The following PREX2 variants were observed in gnomAD, a reference collection of about 807,000 sequenced individuals.
PREX2 encodes phosphatidylinositol-3,4,5-trisphosphate dependent Rac exchange factor 2, also known as phosphatidylinositol 3,4,5-trisphosphate-dependent Rac exchanger 2 protein.
PREX2 carries 107 observed loss-of-function variants against 203.2 expected under a neutral mutation model. The ratio of observed to expected loss-of-function variants is 0.53; its 90% CI spans 0.45 to 0.62. PREX2 has a LOEUF of 0.62. Among genes scored for constraint, PREX2 ranks in the 20% least tolerant of loss-of-function variants. PREX2 has a pLI of 0.00. For synonymous variants in PREX2, 672 were observed against 663.6 expected (o/e 1.01, Z -0.19); for missense variants, 1,777 against 1,955.9 (o/e 0.91, Z 1.72).
At chr8:68,173,496 T>C (rs1237165694) in intron 35 of PREX2, among the ~76,000 whole-genome samples, 2 of 152,208 alleles carry the variant, frequency 1.3e-5, no homozygotes, top group African/African-American at 2.4e-5. Flanking sequence ...CGTACATTTA[T>C]GCATGTAGTA....
chr8:68,108,801 C>G (rs1431671120), intron 24 of PREX2, among the ~76,000 whole-genome samples: 1 of 152,034 alleles, frequency 6.6e-6, no homozygotes, highest in African/African-American at 2.4e-5. Flanking sequence ...TTTATGGAAT[C>G]TCAAATTTAA....
rs75276095 is a variant in PREX2, at chr8:67,975,272, G to GTT, written c.141+22763_141+22764dup. Among the ~76,000 whole-genome samples the GTT allele has an allele frequency of 2.0e-3, 190 of 96,798 alleles. 24 individuals carry two copies. Among genetic ancestry groups the GTT allele is most frequent in the African/African-American group, 7.0e-3 (156 of 22,182 alleles). 63.5% of individuals were successfully genotyped at this position (96,798 alleles called of 152,430 possible). On this transcript the variant is annotated intron_variant, in intron 1 of 39. Transcript: ENST00000288368. ...GGCTGATGTTACCTGCACACGGCCT[G>GTT]TTTTTTTTTTTTTTTTTTTTTTTTT...
rs1450026093 is a variant in PREX2 at position 68,109,475 on chromosome 8, G to A, written c.2998G>A (p.Gly1000Ser). Residue 1000 changes from glycine (G) to serine (S), a missense_variant, in exon 25 of 40, where the codon GGT (glycine) becomes AGT (serine). By Grantham distance (56) the Gly-to-Ser change is moderately conservative. Coordinates refer to ENST00000288368, the MANE Select transcript of PREX2 (RefSeq NM_024870.4). ...CATCACAACCATGGCGGCCCCTTCAGGTCTGTCTCTGGGACAGCAGGATGG... is the reference window on the plus strand; with the variant it reads ...CATCACAACCATGGCGGCCCCTTCAAGTCTGTCTCTGGGACAGCAGGATGG... ...HTITTMAAPSGLSLGQQDGHG... is the reference protein window; with the variant it reads ...HTITTMAAPSSLSLGQQDGHG... 1.9e-6 allele frequency: 3 copies of A among 1,614,046 alleles called. No homozygotes were observed. Among genetic ancestry groups the A allele is most frequent in the Non-Finnish European group, 2.5e-6 (3 of 1,179,932 alleles).
At chr8:68,138,057 T>G (rs2129613488) in intron 32 of PREX2, among the ~76,000 whole-genome samples, 1 of 152,348 alleles carries the variant, frequency 6.6e-6, no homozygotes, top group African/African-American at 2.4e-5. Context: ...TCAGATGTTA[T>G]AAGATTTTAG....
chr8:68,114,293 G>A, intron 25 of PREX2: 1 of 509,392 alleles, frequency 2.0e-6, no homozygotes, highest in Non-Finnish European at 3.9e-6. Flanking sequence ...TATGGAATAT[G>A]CGTAAGAGGT....
chr8:68,124,770 G>A (rs1053182028), intron 30 of PREX2, among the ~76,000 whole-genome samples: 3 of 152,100 alleles, frequency 2.0e-5, no homozygotes, highest in Non-Finnish European at 4.4e-5. Flanking sequence ...ACAATAAGCA[G>A]CTATAGGAAT....
chr8:67,973,278 C>T (rs533347842), intron 1 of PREX2, among the ~76,000 whole-genome samples: 1 of 152,194 alleles, frequency 6.6e-6, no homozygotes, highest in East Asian at 1.9e-4. Context: ...ATAAACTTTG[C>T]CTCCTTGATG....
rs564055787 is a variant in PREX2 at position 68,166,763 on chromosome 8, T to C, written c.4346+9327T>C. On this transcript the variant is annotated intron_variant, in intron 35 of 39. Coordinates refer to ENST00000288368, the MANE Select transcript of PREX2 (RefSeq NM_024870.4). ...TAGAAGGATCACTTCAGCCCAGGAG[T>C]TCAAGACCAGCTTGGGCAAATAGAG... 5.7e-4 allele frequency among the ~76,000 whole-genome samples: 87 copies of C among 151,622 alleles called. 1 individual carries two copies. The highest frequency in any genetic ancestry group is 2.0e-3 in the African/African-American group (83 of 41,316).
intron 19 of PREX2, 52 bp downstream of exon 19, chr8:68,087,861 C>A: frequency 8.8e-7 from 1 of 1,132,360 alleles, no homozygotes; most frequent in Non-Finnish European, 1.4e-6. Flanking sequence ...TTGGGATGTG[C>A]CCGATGGAAC....
At position 68,012,224 on chromosome 8, in the gene PREX2, A is replaced by C. The variant is rs1425153095; in HGVS notation, c.142-5622A>C. ...TTTGAGGTCAAATAGAATACACTAT[A>C]ACAATGTGGTAATTATCGTCACATC... On this transcript the variant is annotated intron_variant, in intron 1 of 39. Coordinates refer to ENST00000288368, the MANE Select transcript of PREX2 (RefSeq NM_024870.4). Among the ~76,000 whole-genome samples the C allele has an allele frequency of 2.0e-5, 3 of 152,320 alleles. No individual in the cohort carries two copies. In the South Asian group the frequency reaches 6.2e-4, roughly 32 times the overall value.
intron 1 of PREX2, among the ~76,000 whole-genome samples, chr8:67,955,696 G>A (rs921263029): frequency 2.6e-5 from 4 of 152,188 alleles, no homozygotes; most frequent in Non-Finnish European, 5.9e-5. Context: ...ATAATTGTGT[G>A]CAGTGCTTGT....
intron 35 of PREX2, among the ~76,000 whole-genome samples, chr8:68,186,071 A>ACTTAC (rs1812183184): frequency 6.6e-6 from 1 of 152,074 alleles, no homozygotes; most frequent in African/African-American, 2.4e-5. Flanking sequence ...CAGTTTGTCA[A>ACTTAC]ATTCTGAAAG....
chr8:68,204,469 C>T (rs926716089), intron 37 of PREX2, among the ~76,000 whole-genome samples: 5 of 152,008 alleles, frequency 3.3e-5, no homozygotes, highest in East Asian at 1.9e-4. Flanking sequence ...CCCTGTGCAG[C>T]GCTGAAAATG....
At chr8:68,055,169 T>G (rs1391501179) in intron 9 of PREX2, among the ~76,000 whole-genome samples, 1 of 152,082 alleles carries the variant, frequency 6.6e-6, no homozygotes, top group African/African-American at 2.4e-5. Flanking sequence ...CCTACCTTTC[T>G]CCTCCCACTG....
intron 7 of PREX2, among the ~76,000 whole-genome samples, chr8:68,038,970 A>G (rs1414370611): frequency 6.6e-6 from 1 of 152,164 alleles, no homozygotes; most frequent in East Asian, 1.9e-4. Context: ...AACAGTCATA[A>G]AATTGAAATC....
At chr8:68,002,715 T>C (rs2129609772) in intron 1 of PREX2, among the ~76,000 whole-genome samples, 1 of 152,314 alleles carries the variant, frequency 6.6e-6, no homozygotes, top group Non-Finnish European at 1.5e-5. Context: ...TGGTTCAAGC[T>C]GCAAAATGTG....
intron 1 of PREX2, among the ~76,000 whole-genome samples, chr8:67,963,630 ATAAT>A (rs1805692936): frequency 6.6e-6 from 1 of 152,036 alleles, no homozygotes; most frequent in Non-Finnish European, 1.5e-5. Flanking sequence ...TTTGTTTTCA[ATAAT>A]TATACTTTAG....
At chr8:68,131,193 T>C (rs1394062945) in intron 31 of PREX2, among the ~76,000 whole-genome samples, 1 of 152,156 alleles carries the variant, frequency 6.6e-6, no homozygotes, top group African/African-American at 2.4e-5. Flanking sequence ...TGGAGGGAAG[T>C]GGTATGTTGA....
intron 21 of PREX2, among the ~76,000 whole-genome samples, chr8:68,094,751 A>G (rs1810003422): frequency 6.6e-6 from 1 of 152,228 alleles, no homozygotes; most frequent in Admixed American, 6.5e-5. Flanking sequence ...AATTCCCCAA[A>G]TCTCCTAACA....
Sources: allele counts gnomAD v4.1 joint callset (sites outside exome capture counted in the v4.1 genomes callset), GRCh38; gene constraint gnomAD v4.1.1; transcripts MANE v1.5; gene names NCBI Gene and HGNC (gene_info 2026-07-23, HGNC 2026-07-21).